The following MAPK8 variants were observed in gnomAD, a reference collection of about 807,000 sequenced individuals.
MAPK8 encodes the protein JUN N-terminal kinase.
Under a neutral mutation model 52.9 loss-of-function variants are expected in MAPK8, and 13 were observed. The ratio of observed to expected loss-of-function variants is 0.25; its 90% confidence interval spans 0.16 to 0.39. The LOEUF (loss-of-function observed/expected upper bound fraction) is 0.39. MAPK8 is among the 10% of genes least tolerant of loss of function. The pLI, the probability that MAPK8 is intolerant of heterozygous loss-of-function variation, is 1.00. For missense variants in MAPK8, 300 were observed against 519.2 expected (o/e 0.58, Z 4.10); for synonymous variants, 191 against 169.8 (o/e 1.12, Z -0.97).
At chr10:48,351,625 A>G (rs1008070872) in intron 1 of MAPK8, among the ~76,000 whole-genome samples, 1 of 152,184 alleles carries the variant, frequency 6.6e-6, no homozygotes, top group Non-Finnish European at 1.5e-5. Flanking sequence ...ATAGGTAAAG[A>G]AAAACCAATT....
chr10:48,400,246 A>G (rs887098293), intron 1 of MAPK8, among the ~76,000 whole-genome samples: 5 of 152,204 alleles, frequency 3.3e-5, no homozygotes, highest in African/African-American at 1.2e-4. Context: ...GGAGCACTAC[A>G]TGACTAGTCC....
intron 1 of MAPK8, among the ~76,000 whole-genome samples, chr10:48,339,496 G>A (rs1415416380): frequency 6.6e-6 from 1 of 151,982 alleles, no homozygotes; most frequent in African/African-American, 2.4e-5. Flanking sequence ...AGAAAACCTA[G>A]GAAAATATCT....
Position 48,407,950 on chromosome 10 carries a change from A to G in MAPK8, c.253-1929A>G, listed in dbSNP as rs75451592. 6.4e-4 allele frequency among the ~76,000 whole-genome samples: 98 copies of G among 152,292 alleles called. 1 individual carries two copies. In the East Asian group the frequency reaches 0.017, roughly 27 times the overall value. On this transcript the variant is annotated intron_variant, in intron 3 of 11. Transcript: ENST00000374189. ...CATTGCATGCGGTTGGTAGACTTGA[A>G]CTTATTTAGAGCAGCCAGATGCTTT...
At chr10:48,417,375 C>A (rs1369134385) in intron 5 of MAPK8, among the ~76,000 whole-genome samples, 1 of 152,162 alleles carries the variant, frequency 6.6e-6, no homozygotes, top group African/African-American at 2.4e-5. Flanking sequence ...CAGACTGAGG[C>A]AAATTTATCA....
Position 48,436,942 on chromosome 10 carries a change from A to G in MAPK8, c.*1913A>G, listed in dbSNP as rs577832760. 3.2e-4 allele frequency: 48 copies of G among 152,336 alleles called. No homozygotes were observed. The highest frequency in any genetic ancestry group is 1.1e-3 in the African/African-American group (47 of 41,594). The allele number at this position is 152,336 out of a possible 1,614,324, so 9.4% of individuals were successfully genotyped here. ...GAATGAGTGTGTTTATATTAATTTCACAATTAGCTGTATTTTCTGTAGCAT... is the reference window on the plus strand; with the variant it reads ...GAATGAGTGTGTTTATATTAATTTCGCAATTAGCTGTATTTTCTGTAGCAT... On this transcript the variant is annotated 3_prime_UTR_variant, in exon 12 of 12. Transcript: ENST00000374189.
chr10:48,345,566 T>A (rs190182154), intron 1 of MAPK8, among the ~76,000 whole-genome samples: 1 of 152,230 alleles, frequency 6.6e-6, no homozygotes, highest in African/African-American at 2.4e-5. Flanking sequence ...CTAAGTGATA[T>A]GGTACACATT....
At chr10:48,357,466 C>G (rs545773853) in intron 1 of MAPK8, among the ~76,000 whole-genome samples, 1 of 152,274 alleles carries the variant, frequency 6.6e-6, no homozygotes, top group South Asian at 2.1e-4. Context: ...ATGATCCAGG[C>G]TCATGCAGCC....
chr10:48,340,052 A>G (rs1335773691), intron 1 of MAPK8, among the ~76,000 whole-genome samples: 1 of 152,234 alleles, frequency 6.6e-6, no homozygotes, highest in Non-Finnish European at 1.5e-5. Context: ...ATTACTGGGT[A>G]TCTACCCAAA....
At chr10:48,354,470 A>G (rs868103560) in intron 1 of MAPK8, among the ~76,000 whole-genome samples, 1 of 152,230 alleles carries the variant, frequency 6.6e-6, no homozygotes, top group African/African-American at 2.4e-5. Flanking sequence ...TCAAGATTGC[A>G]GGGAAAGTTG....
At chr10:48,364,872 G>C (rs1847889298) in intron 1 of MAPK8, among the ~76,000 whole-genome samples, 1 of 152,130 alleles carries the variant, frequency 6.6e-6, no homozygotes, top group African/African-American at 2.4e-5. Flanking sequence ...CCAAGCTAGA[G>C]CAATCAGTCA....
At chr10:48,375,775 G>A (rs1054569577) in intron 1 of MAPK8, among the ~76,000 whole-genome samples, 1 of 152,136 alleles carries the variant, frequency 6.6e-6, no homozygotes, top group Admixed American at 6.5e-5. Context: ...CATGCCCATG[G>A]ATAGGAAGAA....
At chr10:48,335,888 T>C (rs1844637150) in intron 1 of MAPK8, among the ~76,000 whole-genome samples, 1 of 152,218 alleles carries the variant, frequency 6.6e-6, no homozygotes, top group African/African-American at 2.4e-5. Flanking sequence ...TTCTATTATA[T>C]TAAAATCCAT....
At chr10:48,343,885 T>A (rs1234264829) in intron 1 of MAPK8, among the ~76,000 whole-genome samples, 1 of 152,252 alleles carries the variant, frequency 6.6e-6, no homozygotes, top group East Asian at 1.9e-4. Context: ...TCTGTCCTCT[T>A]GTGTTACTTT....
intron 1 of MAPK8, among the ~76,000 whole-genome samples, chr10:48,357,650 G>A (rs913522257): frequency 8.5e-5 from 13 of 152,202 alleles, no homozygotes; most frequent in Middle Eastern, 3.4e-3. Flanking sequence ...CATCCACCTC[G>A]GCCTTCCAAA....
At chr10:48,358,890 C>T (rs535575762) in intron 1 of MAPK8, among the ~76,000 whole-genome samples, 1 of 152,260 alleles carries the variant, frequency 6.6e-6, no homozygotes, top group South Asian at 2.1e-4. Flanking sequence ...TGTCTTGACA[C>T]CCTTGTCAGA....
intron 1 of MAPK8, among the ~76,000 whole-genome samples, chr10:48,339,649 A>G (rs1170346740): frequency 6.6e-6 from 1 of 152,222 alleles, no homozygotes; most frequent in Non-Finnish European, 1.5e-5. Context: ...GGAAGAAAGT[A>G]TTTGCAAACT....
chr10:48,320,658 T>C (rs933839517), intron 1 of MAPK8, among the ~76,000 whole-genome samples: 6 of 152,314 alleles, frequency 3.9e-5, no homozygotes, highest in Non-Finnish European at 8.8e-5. Flanking sequence ...GTAAGTAATA[T>C]AGTACACAAG....
rs372234502 is a variant in MAPK8, at chr10:48,317,348, A to T, written c.-50+10527A>T. Among the ~76,000 whole-genome samples, 6 of 151,970 alleles carry T rather than the reference A, an allele frequency of 3.9e-5. No homozygotes were observed. In the South Asian group the frequency reaches 1.2e-3, roughly 32 times the overall value. On this transcript the variant is annotated intron_variant, in intron 1 of 11. Coordinates refer to ENST00000374189, the MANE Select transcript of MAPK8 (RefSeq NM_001323329.2). ...GCTGGCGAATTTTTAAGTTTTTTGTAAAGATGGGGTCTCACTGTGTTGCCT... is the reference window on the plus strand; with the variant it reads ...GCTGGCGAATTTTTAAGTTTTTTGTTAAGATGGGGTCTCACTGTGTTGCCT...
chr10:48,435,737 C>A lies in MAPK8; in HGVS notation c.*708C>A, dbSNP rs1260131827. ...CGTCTACCACCACCTTATGTCCCCA[C>A]CCTACCCAACAAAAATAAGTAAAAA... On this transcript the variant is annotated 3_prime_UTR_variant, in exon 12 of 12. Transcript: ENST00000374189. 2.0e-5 allele frequency: 3 copies of A among 152,178 alleles called. No individual in the cohort carries two copies. Among genetic ancestry groups the A allele is most frequent in the Non-Finnish European group, 4.4e-5 (3 of 68,042 alleles). 9.4% of individuals were successfully genotyped at this position (152,178 alleles called of 1,614,324 possible).
Sources: allele counts gnomAD v4.1 joint callset (sites outside exome capture counted in the v4.1 genomes callset), GRCh38; gene constraint gnomAD v4.1.1; transcripts MANE v1.5; gene names NCBI Gene and HGNC (gene_info 2026-07-23, HGNC 2026-07-21).